The following PCDH17 variants were observed in gnomAD, a reference collection of about 807,000 sequenced individuals.
PCDH17 encodes the protein protocadherin 17.
Under a neutral mutation model 67.7 loss-of-function variants are expected in PCDH17, and 21 were observed. The ratio of observed to expected loss-of-function variants is 0.31; its 90% CI spans 0.22 to 0.45. The LOEUF is 0.45. Ranked by LOEUF, PCDH17 falls within the 20% of genes least tolerant of loss-of-function variation. PCDH17 has a pLI of 1.00. For synonymous variants in PCDH17, 701 were observed against 656.7 expected (o/e 1.07, Z -1.03); for missense variants, 1,471 against 1,564.8 (o/e 0.94, Z 1.01).
chr13:57,635,278 T>C (rs1954808058), intron 1 of PCDH17, among the ~76,000 whole-genome samples, 167 bp downstream of exon 1: 1 of 152,094 alleles, frequency 6.6e-6, no homozygotes, highest in Non-Finnish European at 1.5e-5. Context: ...ATATTCTACA[T>C]ATAACCCCTC....
upstream of PCDH17, among the ~76,000 whole-genome samples, chr13:57,631,087 C>T (rs967597034): frequency 2.0e-5 from 3 of 152,098 alleles, no homozygotes; most frequent in African/African-American, 7.2e-5. Context: ...TCACGCCAAA[C>T]CTTGATGTGT....
chr13:57,684,642 A>T (rs1433986011), intron 3 of PCDH17, among the ~76,000 whole-genome samples: 1 of 151,986 alleles, frequency 6.6e-6, no homozygotes, highest in African/African-American at 2.4e-5. Flanking sequence ...CATCATTTTT[A>T]AAATGTTGAA....
chr13:57,715,579 C>T (rs1201198769), intron 3 of PCDH17, among the ~76,000 whole-genome samples: 1 of 151,684 alleles, frequency 6.6e-6, no homozygotes, highest in Admixed American at 6.6e-5. Flanking sequence ...AATATAAATG[C>T]TTATTTAGGA....
chr13:57,694,648 AT>A (rs1566238372), intron 3 of PCDH17, among the ~76,000 whole-genome samples: 1 of 151,212 alleles, frequency 6.6e-6, no homozygotes, highest in Non-Finnish European at 1.5e-5. Context: ...ATGTGTTTTC[AT>A]TTTTTTAATA....
At chr13:57,663,198 T>C (rs1955205203) in intron 1 of PCDH17, among the ~76,000 whole-genome samples, 1 of 152,162 alleles carries the variant, frequency 6.6e-6, no homozygotes, top group African/African-American at 2.4e-5. Flanking sequence ...ATCATGTTTA[T>C]ATATTTATCA....
intron 2 of PCDH17, 31 bp downstream of exon 2, chr13:57,666,557 T>C: frequency 6.2e-7 from 1 of 1,610,968 alleles, no homozygotes; most frequent in South Asian, 1.1e-5. Context: ...TTTCTCAGCT[T>C]CCCCATTTGC....
intron 1 of PCDH17, among the ~76,000 whole-genome samples, chr13:57,661,242 C>G (rs1429291691): frequency 1.3e-5 from 2 of 152,022 alleles, no homozygotes; most frequent in Admixed American, 6.6e-5. Context: ...TTTTCATTTT[C>G]CTAATTGCAG....
At chr13:57,705,439 A>C (rs1460034575) in intron 3 of PCDH17, among the ~76,000 whole-genome samples, 2 of 152,098 alleles carry the variant, frequency 1.3e-5, no homozygotes, top group Non-Finnish European at 2.9e-5. Context: ...TAAGTATCTG[A>C]CTAAGAACAT....
At chr13:57,665,999 C>A (rs1955248462) in intron 1 of PCDH17, among the ~76,000 whole-genome samples, 1 of 151,902 alleles carries the variant, frequency 6.6e-6, no homozygotes, top group Non-Finnish European at 1.5e-5. Flanking sequence ...AAGGAAAGGC[C>A]CTGCATCTCT....
At chr13:57,722,704 C>T (rs187591559) in intron 3 of PCDH17, among the ~76,000 whole-genome samples, 3 of 152,294 alleles carry the variant, frequency 2.0e-5, no homozygotes, top group Admixed American at 2.0e-4. Context: ...CAGCCTTGAA[C>T]TCCTGGGCTC....
intron 1 of PCDH17, among the ~76,000 whole-genome samples, chr13:57,659,521 T>C (rs1417386887): frequency 6.6e-6 from 1 of 152,104 alleles, no homozygotes; most frequent in Non-Finnish European, 1.5e-5. Flanking sequence ...TATTATAAAC[T>C]AAGAAATTTG....
intron 1 of PCDH17, among the ~76,000 whole-genome samples, chr13:57,651,746 A>G (rs1955042582): frequency 6.6e-6 from 1 of 152,270 alleles, no homozygotes; most frequent in African/African-American, 2.4e-5. Flanking sequence ...AAGGCATAAT[A>G]TTTACTATCT....
chr13:57,670,026 T>C (rs1593915259), intron 3 of PCDH17, among the ~76,000 whole-genome samples: 1 of 152,066 alleles, frequency 6.6e-6, no homozygotes, highest in African/African-American at 2.4e-5. Context: ...TCACATTCAG[T>C]AGATATTAAG....
rs1342491086 is a variant in PCDH17, at chr13:57,633,087, C to T, written c.541C>T (p.Leu181=). The T allele has an allele frequency of 1.2e-6, 2 of 1,613,542 alleles. No individual in the cohort carries two copies. Among genetic ancestry groups the T allele is most frequent in the Admixed American group, 1.7e-5 (1 of 60,004 alleles). Residue 181 remains leucine, a synonymous_variant, in exon 1 of 4, where the codon CTG becomes TTG. Transcript: ENST00000377918. This position sits in a 1 kb window ranked among gnomAD's most constrained non-coding sequence, Gnocchi z 6.2. ...GCGCGACGATCACGGCCTCTTTGGA[C>T]TGGACGTTAAGTCCCGCGGCGACGG... is the stretch of plus-strand genomic sequence containing the variant. ...LTRDDHGLFG[L]DVKSRGDGTK...
intron 1 of PCDH17, among the ~76,000 whole-genome samples, chr13:57,653,823 T>C (rs1282606795): frequency 6.6e-6 from 1 of 152,160 alleles, no homozygotes; most frequent in Non-Finnish European, 1.5e-5. Context: ...AAGCTTCATG[T>C]GTCGAAATGC....
At position 57,670,247 on chromosome 13, in the gene PCDH17, A is replaced by G. The variant is rs1955303191; in HGVS notation, c.2797+3414A>G. 3.3e-5 allele frequency among the ~76,000 whole-genome samples: 5 copies of G among 152,082 alleles called. No individual in the cohort carries two copies. In the South Asian group the frequency reaches 1.0e-3, roughly 31 times the overall value. Reference sequence around the variant, plus strand: ...TATTTATTTATTCTATTTGAAAAACATCATGAGAGAAAATTCCACAATTAA... The same window carrying G: ...TATTTATTTATTCTATTTGAAAAACGTCATGAGAGAAAATTCCACAATTAA... On this transcript the variant is annotated intron_variant, in intron 3 of 3. Coordinates refer to ENST00000377918, the MANE Select transcript of PCDH17 (RefSeq NM_001040429.3).
chr13:57,669,603 T>G (rs1955296261), intron 3 of PCDH17, among the ~76,000 whole-genome samples: 1 of 152,090 alleles, frequency 6.6e-6, no homozygotes, highest in Non-Finnish European at 1.5e-5. Flanking sequence ...TTCTTACCAC[T>G]TACCATAAAC....
chr13:57,708,360 A>G lies in PCDH17; in HGVS notation c.2798-16252A>G, dbSNP rs556656222. On this transcript the variant is annotated intron_variant, in intron 3 of 3. Transcript: ENST00000377918. ...AGGTCCTAGACTTTGAACTTTTTTA[A>G]TATATATTTGGCAAGAACTAGTGCT... Among the ~76,000 whole-genome samples the G allele has an allele frequency of 5.3e-5, 8 of 152,122 alleles. No individual in the cohort carries two copies. The South Asian group carries it at 1.7e-3, about 32-fold the overall frequency.
chr13:57,684,572 C>T (rs965760190), intron 3 of PCDH17, among the ~76,000 whole-genome samples: 1 of 151,786 alleles, frequency 6.6e-6, no homozygotes, highest in African/African-American at 2.4e-5. Context: ...CACAAGTATT[C>T]AAAACCCATT....
Sources: allele counts gnomAD v4.1 joint callset (sites outside exome capture counted in the v4.1 genomes callset), GRCh38; gene constraint gnomAD v4.1.1; non-coding constraint Gnocchi (gnomAD v3.1); transcripts MANE v1.5; gene names NCBI Gene and HGNC (gene_info 2026-07-23, HGNC 2026-07-21).